The following CACNA1C variants were observed in gnomAD, a reference collection of about 807,000 sequenced individuals.
The protein encoded by CACNA1C is calcium voltage-gated channel subunit alpha1 C.
Under a neutral mutation model 229.0 loss-of-function variants are expected in CACNA1C, and 30 were observed. That is an observed-to-expected ratio of 0.13 (90% CI 0.10 to 0.18). The LOEUF (loss-of-function observed/expected upper bound fraction) is 0.18. Among genes scored for constraint, CACNA1C ranks in the 10% least tolerant of loss-of-function variants. The pLI, the probability that CACNA1C is intolerant of heterozygous loss-of-function variation, is 1.00. For synonymous variants in CACNA1C, 1,114 were observed against 1,132.5 expected (o/e 0.98, Z 0.33); for missense variants, 1,658 against 2,845.0 (o/e 0.58, Z 9.49).
chr12:2,053,303 G>C lies in CACNA1C; in HGVS notation c.-260G>C. Reference sequence around the variant, plus strand: ...AGGTGCGGTGCTCAGTTCTTGGAAGGGGCCCGGATGTACTGAGGATGCGTT... The same window carrying C: ...AGGTGCGGTGCTCAGTTCTTGGAAGCGGCCCGGATGTACTGAGGATGCGTT... On this transcript the variant is annotated 5_prime_UTR_variant, in exon 1 of 47. Coordinates refer to ENST00000399655, the MANE Select transcript of CACNA1C (RefSeq NM_000719.7). The surrounding 1 kb of genome is among the most constrained non-coding windows in gnomAD (Gnocchi z 5.8). 2.5e-6 allele frequency: 3 copies of C among 1,198,136 alleles called. No homozygotes were observed. The highest frequency in any genetic ancestry group is 1.6e-5 in the African/African-American group (1 of 63,280). The allele number at this position is 1,198,136 out of a possible 1,614,324, so 74.2% of individuals were successfully genotyped here. A position where few individuals can be genotyped will look rare whatever the true frequency, so the allele number is the denominator to read the frequency against.
Position 2,679,846 on chromosome 12 carries a change from C to A in CACNA1C, c.5444+50C>A. ...GGCGGCACACAGGGCCCACGTGCTGCAACCCTCAGGAGACAGTGGAGGAGA... is the reference window on the plus strand; with the variant it reads ...GGCGGCACACAGGGCCCACGTGCTGAAACCCTCAGGAGACAGTGGAGGAGA... On this transcript the variant is annotated intron_variant, in intron 42 of 46. Coordinates refer to ENST00000399655, the MANE Select transcript of CACNA1C (RefSeq NM_000719.7). This position sits in a 1 kb window ranked among gnomAD's most constrained non-coding sequence, Gnocchi z 5.5. The A allele has an allele frequency of 1.5e-6, 2 of 1,328,456 alleles. No homozygotes were observed. The highest frequency in any genetic ancestry group is 1.0e-6 in the Non-Finnish European group (1 of 961,486). The allele number at this position is 1,328,456 out of a possible 1,614,324, so 82.3% of individuals were successfully genotyped here.
At chr12:2,451,530 G>A (rs908976680) in intron 4 of CACNA1C, among the ~76,000 whole-genome samples, 4 of 152,174 alleles carry the variant, frequency 2.6e-5, no homozygotes, top group Non-Finnish European at 4.4e-5. Flanking sequence ...ATCATGAGTC[G>A]GGGGAGCAGA....
In CACNA1C at chr12:2,612,304, G is replaced by A. The variant is rs962796369; in HGVS notation, c.3828+291G>A. The A allele has an allele frequency of 2.0e-5, 7 of 353,720 alleles. No homozygotes were observed. The East Asian group carries it at 3.3e-4, about 17-fold the overall frequency. 21.9% of individuals were successfully genotyped at this position (353,720 alleles called of 1,614,324 possible). A position where few individuals can be genotyped will look rare whatever the true frequency, so the allele number is the denominator to read the frequency against. On this transcript the variant is annotated intron_variant, in intron 29 of 46. Transcript: ENST00000399655. ...CCTCTCCTAGGAGAGGCAGGTGATG[G>A]TCTTTCTCCTATGTCCCATCCTCTA...
chr12:2,374,506 C>G (rs529117427), intron 3 of CACNA1C, among the ~76,000 whole-genome samples: 4 of 152,236 alleles, frequency 2.6e-5, no homozygotes, highest in African/African-American at 9.6e-5. Context: ...TCACAGCCCA[C>G]GCCACATTGG....
intron 3 of CACNA1C, among the ~76,000 whole-genome samples, chr12:2,324,603 G>C (rs184312035): frequency 6.6e-6 from 1 of 151,260 alleles, no homozygotes; most frequent in East Asian, 1.9e-4. Flanking sequence ...CATGCTGCCA[G>C]GACCCTGATG....
chr12:2,487,670 A>G lies in CACNA1C; in HGVS notation c.916+1408A>G, dbSNP rs1597807684. Among the ~76,000 whole-genome samples the G allele has an allele frequency of 2.6e-5, 4 of 152,038 alleles. No homozygotes were observed. The South Asian group carries it at 8.3e-4, about 32-fold the overall frequency. On this transcript the variant is annotated intron_variant, in intron 6 of 46. Coordinates refer to ENST00000399655, the MANE Select transcript of CACNA1C (RefSeq NM_000719.7). ...TCCAAATTACTTGGGTCATAATTGT[A>G]TAAAATAAACTATCCTGTTTTCAAA...
At chr12:2,295,899 C>A (rs957235164) in intron 3 of CACNA1C, among the ~76,000 whole-genome samples, 1 of 152,246 alleles carries the variant, frequency 6.6e-6, no homozygotes, top group African/African-American at 2.4e-5. Flanking sequence ...TCTCCCAGAT[C>A]GCATGGGATT....
At chr12:2,473,140 C>T (rs1001788794) in intron 5 of CACNA1C, among the ~76,000 whole-genome samples, 1 of 152,196 alleles carries the variant, frequency 6.6e-6, no homozygotes, top group African/African-American at 2.4e-5. Flanking sequence ...TGCTTTTTCC[C>T]CAGCACTGAT....
At chr12:2,169,041 T>A (rs559326475) in intron 3 of CACNA1C, among the ~76,000 whole-genome samples, 13 of 152,144 alleles carry the variant, frequency 8.5e-5, no homozygotes, top group Non-Finnish European at 1.9e-4. Flanking sequence ...GGATCCAAAG[T>A]CCAGCCGCTC....
rs752240459 is a variant in CACNA1C at position 2,595,511 on chromosome 12, A to G, written c.2664-363A>G. ...AGCATACCCAGCTCCGGGTAGTCCT[A>G]TTGTGCCTTATGCATAAGCATAGAG... On this transcript the variant is annotated intron_variant, in intron 19 of 46. Transcript: ENST00000399655. The surrounding 1 kb of genome is among the most constrained non-coding windows in gnomAD (Gnocchi z 4.1). Among the ~76,000 whole-genome samples the G allele has an allele frequency of 3.9e-5, 6 of 152,070 alleles. No homozygotes were observed. The highest frequency in any genetic ancestry group is 8.8e-5 in the Non-Finnish European group (6 of 68,020).
intron 1 of CACNA1C, among the ~76,000 whole-genome samples, chr12:2,103,150 G>T (rs1268415434): frequency 6.6e-6 from 1 of 152,172 alleles, no homozygotes; most frequent in East Asian, 1.9e-4. Context: ...GTTCCTTGAG[G>T]AATCGCCACA....
At chr12:2,671,092 G>A (rs1197737871) in intron 38 of CACNA1C, among the ~76,000 whole-genome samples, 1 of 151,298 alleles carries the variant, frequency 6.6e-6, no homozygotes, top group Non-Finnish European at 1.5e-5. Flanking sequence ...TCGGCCTGCT[G>A]CAACCTCTGA....
At chr12:2,069,688 T>C (rs986011629) in intron 1 of CACNA1C, among the ~76,000 whole-genome samples, 1 of 152,222 alleles carries the variant, frequency 6.6e-6, no homozygotes, top group Non-Finnish European at 1.5e-5. Flanking sequence ...ACCTCACTTA[T>C]AATGACCGTT....
chr12:2,622,378 C>T (rs960136788), intron 29 of CACNA1C, among the ~76,000 whole-genome samples: 1 of 152,150 alleles, frequency 6.6e-6, no homozygotes, highest in East Asian at 1.9e-4. Context: ...ATAATCTGAT[C>T]TGGGGTCTTC....
At chr12:2,476,445 G>A (rs947901171) in intron 5 of CACNA1C, among the ~76,000 whole-genome samples, 2 of 152,160 alleles carry the variant, frequency 1.3e-5, no homozygotes, top group South Asian at 2.1e-4. Context: ...GTATTAAGAC[G>A]GCTGGGGAAT....
At chr12:2,453,179 ACG>A (rs1181829265) in intron 4 of CACNA1C, among the ~76,000 whole-genome samples, 2 of 152,172 alleles carry the variant, frequency 1.3e-5, no homozygotes, top group East Asian at 3.9e-4. Context: ...AACGCCAGTC[ACG>A]CAGCCAGTCT....
rs2067818109 is a variant in CACNA1C, at chr12:2,595,702, G to T, written c.2664-172G>T. 6.6e-6 allele frequency among the ~76,000 whole-genome samples: 1 copy of T among 152,136 alleles called. No homozygotes were observed. Among genetic ancestry groups the T allele is most frequent in the Non-Finnish European group, 1.5e-5 (1 of 68,026 alleles). On this transcript the variant is annotated intron_variant, in intron 19 of 46. Coordinates refer to ENST00000399655, the MANE Select transcript of CACNA1C (RefSeq NM_000719.7). The surrounding 1 kb of genome is among the most constrained non-coding windows in gnomAD (Gnocchi z 4.1). ...GATATGTGCACCATGGGGGTGAGCA[G>T]TTGTCATTACCAAGCAGCAGTAAGA... is the stretch of plus-strand genomic sequence containing the variant.
At chr12:2,004,365 G>A (rs2042929060) in intron 1 of CACNA1C, 1 of 1,613,132 alleles carries the variant, frequency 6.2e-7, no homozygotes, top group Admixed American at 1.7e-5. Context: ...GGGTCGTGGC[G>A]CTGCAGGGCC....
chr12:2,605,562 G>T lies in CACNA1C; in HGVS notation c.3049-117G>T. ...CATGTGACTTTGGGAGCGTGGCTTTGCCCCTCTCAGCCCAATTACTCCCCG... is the reference window on the plus strand; with the variant it reads ...CATGTGACTTTGGGAGCGTGGCTTTTCCCCTCTCAGCCCAATTACTCCCCG... On this transcript the variant is annotated intron_variant, in intron 23 of 46. Transcript: ENST00000399655. This position sits in a 1 kb window ranked among gnomAD's most constrained non-coding sequence, Gnocchi z 6.2. 1 of 738,114 alleles carries T rather than the reference G, an allele frequency of 1.4e-6. No homozygotes were observed. The highest frequency in any genetic ancestry group is 2.4e-6 in the Non-Finnish European group (1 of 410,576). 45.7% of individuals were successfully genotyped at this position (738,114 alleles called of 1,614,324 possible).
Sources: allele counts gnomAD v4.1 joint callset (sites outside exome capture counted in the v4.1 genomes callset), GRCh38; gene constraint gnomAD v4.1.1; non-coding constraint Gnocchi (gnomAD v3.1); transcripts MANE v1.5; gene names NCBI Gene and HGNC (gene_info 2026-07-23, HGNC 2026-07-21).